Variants in PCDH15 observed in about 807,000 individuals in gnomAD.
The protein encoded by PCDH15 is protocadherin related 15.
Under a neutral mutation model 178.5 loss-of-function variants are expected in PCDH15, and 129 were observed. The observed-to-expected ratio is 0.72, with a 90% confidence interval of 0.63 to 0.84. PCDH15 has a LOEUF of 0.84. Ranked by LOEUF, PCDH15 falls within the 40% of genes least tolerant of loss-of-function variation. The pLI, the probability that PCDH15 is intolerant of heterozygous loss-of-function variation, is 0.00. For synonymous variants in PCDH15, 800 were observed against 732.0 expected, an observed-to-expected ratio of 1.09 and a Z score of -1.50; for missense variants, 2,230 against 2,099.9, an observed-to-expected ratio of 1.06 and a Z score of -1.21.
At chr10:54,115,712 T>C (rs975679476) in intron 15 of PCDH15, among the ~76,000 whole-genome samples, 4 of 152,144 alleles carry the variant, frequency 2.6e-5, no homozygotes, top group Non-Finnish European at 5.9e-5. Flanking sequence ...ACTGCTTTCT[T>C]CCCCTCCCTT....
intron 15 of PCDH15, among the ~76,000 whole-genome samples, chr10:54,110,990 A>T (rs527259987): frequency 6.6e-6 from 1 of 152,138 alleles, no homozygotes; most frequent in East Asian, 1.9e-4. Context: ...AAGTATAGAA[A>T]CACCATAGGG....
chr10:55,484,109 G>T (rs1589070603), intron 2 of PCDH15, among the ~76,000 whole-genome samples: 1 of 151,672 alleles, frequency 6.6e-6, no homozygotes, highest in Admixed American at 6.6e-5. Context: ...TGGACACTGA[G>T]AGGGGAACAA....
At chr10:54,336,665 A>G (rs1941223260) in intron 6 of PCDH15, among the ~76,000 whole-genome samples, 1 of 152,226 alleles carries the variant, frequency 6.6e-6, no homozygotes, top group African/African-American at 2.4e-5. Flanking sequence ...AAATGCCTGG[A>G]TGTCCAGACA....
chr10:55,025,298 A>G (rs567113352), intron 2 of PCDH15, among the ~76,000 whole-genome samples: 1 of 152,302 alleles, frequency 6.6e-6, no homozygotes, highest in Non-Finnish European at 1.5e-5. Flanking sequence ...CTGGCTCATG[A>G]GATTTCAGAT....
chr10:53,955,635 C>T (rs2087538399), intron 23 of PCDH15, among the ~76,000 whole-genome samples: 1 of 152,134 alleles, frequency 6.6e-6, no homozygotes, highest in Non-Finnish European at 1.5e-5. Flanking sequence ...ATTTGTAACA[C>T]ATTACCTTCC....
At chr10:54,731,783 ACCAGTGG>A (rs1282689948) in intron 1 of PCDH15, among the ~76,000 whole-genome samples, 3 of 150,602 alleles carry the variant, frequency 2.0e-5, no homozygotes. Flanking sequence ...ATTATTGGGT[ACCAGTGG>A]CCAGGAAAGG....
intron 13 of PCDH15, among the ~76,000 whole-genome samples, chr10:54,167,870 C>T (rs1241827301): frequency 6.6e-6 from 1 of 151,426 alleles, no homozygotes. Flanking sequence ...TTTCTGTGCC[C>T]CATCCCTTAT....
At chr10:54,191,878 G>C (rs975825463) in intron 11 of PCDH15, among the ~76,000 whole-genome samples, 2 of 150,796 alleles carry the variant, frequency 1.3e-5, no homozygotes, top group Non-Finnish European at 2.9e-5. Flanking sequence ...CCTGGATTGT[G>C]ACGCTGCACT....
At chr10:55,584,803 G>T (rs77541145) in intron 2 of PCDH15, among the ~76,000 whole-genome samples, 1 of 151,498 alleles carries the variant, frequency 6.6e-6, no homozygotes, top group African/African-American at 2.4e-5. Context: ...GAAGATCACA[G>T]TTGGATCGAT....
intron 2 of PCDH15, among the ~76,000 whole-genome samples, chr10:55,524,622 A>C (rs1451138418): frequency 6.6e-6 from 1 of 151,644 alleles, no homozygotes; most frequent in Non-Finnish European, 1.5e-5. Context: ...GTAATTTCAT[A>C]CTGCTTTATC....
chr10:54,500,113 C>T (rs2080520430), intron 3 of PCDH15, among the ~76,000 whole-genome samples: 1 of 151,876 alleles, frequency 6.6e-6, no homozygotes, highest in Non-Finnish European at 1.5e-5. Flanking sequence ...ACTATGCAGC[C>T]ATTAAAGAAA....
At chr10:55,161,172 C>T (rs1312748103) in intron 2 of PCDH15, among the ~76,000 whole-genome samples, 1 of 152,052 alleles carries the variant, frequency 6.6e-6, no homozygotes, top group Non-Finnish European at 1.5e-5. Flanking sequence ...CTATGGGTAC[C>T]AAGGCTGAAA....
At chr10:55,427,975 T>C (rs1368038425) in intron 2 of PCDH15, among the ~76,000 whole-genome samples, 1 of 149,772 alleles carries the variant, frequency 6.7e-6, no homozygotes, top group African/African-American at 2.5e-5. Context: ...ATAATTTCTA[T>C]GGGAAAAATA....
intron 2 of PCDH15, among the ~76,000 whole-genome samples, chr10:55,518,963 G>C (rs2184371): frequency 6.6e-6 from 1 of 151,228 alleles, no homozygotes; most frequent in Non-Finnish European, 1.5e-5. Context: ...GCATGGTGTC[G>C]TGCGCCTGTA....
intron 2 of PCDH15, among the ~76,000 whole-genome samples, chr10:55,126,595 C>A (rs55978430): frequency 0.11 from 16,337 of 151,814 alleles, 1,065 homozygotes; most frequent in Middle Eastern, 0.17. Flanking sequence ...ATTACAAGAC[C>A]TTGCTGAGAA....
intron 13 of PCDH15, 98 bp downstream of exon 13, chr10:54,183,346 C>T (rs1227035504): frequency 6.7e-6 from 8 of 1,188,880 alleles, no homozygotes; most frequent in Non-Finnish European, 1.0e-5. Flanking sequence ...AGTGTGAAAT[C>T]AATTTCTGTT....
intron 3 of PCDH15, among the ~76,000 whole-genome samples, chr10:54,478,345 A>C (rs2078435264): frequency 6.6e-6 from 1 of 152,152 alleles, no homozygotes; most frequent in Non-Finnish European, 1.5e-5. Context: ...TCCTAAGGAA[A>C]AAGACTTTGA....
At chr10:54,661,509 A>C (rs960772731) in intron 2 of PCDH15, among the ~76,000 whole-genome samples, 5 of 151,930 alleles carry the variant, frequency 3.3e-5, no homozygotes, top group Admixed American at 6.6e-5. Context: ...TATAATTTCT[A>C]TCATAGTACC....
At chr10:54,354,135 G>T (rs574916610) in intron 5 of PCDH15, among the ~76,000 whole-genome samples, 1 of 152,052 alleles carries the variant, frequency 6.6e-6, no homozygotes, top group Admixed American at 6.6e-5. Flanking sequence ...ACAGGCATGC[G>T]CCACCACGCC....
Sources: gnomAD v4.1 joint callset for allele counts (sites outside exome capture counted in the v4.1 genomes callset) on GRCh38, gnomAD v4.1.1 for gene constraint, MANE v1.5 for transcripts, NCBI Gene and HGNC (gene_info 2026-07-23, HGNC 2026-07-21) for gene names.